The following PDE4D variants were observed in gnomAD, a reference collection of about 807,000 sequenced individuals.
The protein encoded by PDE4D is 3',5'-cyclic-AMP phosphodiesterase 4D.
PDE4D carries 24 observed loss-of-function variants against 87.4 expected under a neutral mutation model. The ratio of observed to expected loss-of-function variants is 0.27; its 90% CI spans 0.20 to 0.39. The LOEUF (loss-of-function observed/expected upper bound fraction) is 0.39. PDE4D is among the 10% of genes least tolerant of loss of function. The probability of loss-of-function intolerance (pLI) is 1.00; values close to 1 mark genes in which losing one functional copy is unlikely to be tolerated. For missense variants in PDE4D, 714 were observed against 1,041.0 expected (o/e 0.69, Z 4.32); for synonymous variants, 384 against 383.2 (o/e 1.00, Z -0.02).
At chr5:59,504,577 C>T (rs911670293) in intron 1 of PDE4D, among the ~76,000 whole-genome samples, 1 of 152,114 alleles carries the variant, frequency 6.6e-6, no homozygotes, top group African/African-American at 2.4e-5. Flanking sequence ...AATCTATGTC[C>T]ATTTTTTGAT....
chr5:60,346,012 G>A (rs1185745834), intron 1 of PDE4D, among the ~76,000 whole-genome samples: 1 of 151,988 alleles, frequency 6.6e-6, no homozygotes, highest in Non-Finnish European at 1.5e-5. Flanking sequence ...TATCCGTTGA[G>A]TAAAATTCAA....
intron 1 of PDE4D, among the ~76,000 whole-genome samples, chr5:59,470,982 C>T (rs566487227): frequency 2.9e-4 from 44 of 152,204 alleles, no homozygotes; most frequent in East Asian, 2.3e-3. Flanking sequence ...ACCTGGGATC[C>T]CAAAATCCCA....
Position 59,197,550 on chromosome 5 carries a change from T to C in PDE4D, c.648-4014A>G, listed in dbSNP as rs114718942. 8.7e-3 allele frequency among the ~76,000 whole-genome samples: 1,320 copies of C among 152,288 alleles called. 14 individuals carry two copies. The highest frequency in any genetic ancestry group is 0.031 in the African/African-American group (1,284 of 41,560). On this transcript the variant is annotated intron_variant, in intron 2 of 14. Coordinates refer to ENST00000340635, the MANE Select transcript of PDE4D (RefSeq NM_001104631.2). ...ATACCTAACATATAATTTTAAAATC[T>C]TTGTCTAAGTCCTCAACTCAATATT...
intron 2 of PDE4D, among the ~76,000 whole-genome samples, chr5:60,020,675 C>T (rs1395434144): frequency 6.6e-6 from 1 of 152,144 alleles, no homozygotes; most frequent in African/African-American, 2.4e-5. Flanking sequence ...CAGACCAACC[C>T]AGCCCAGCCC....
At chr5:59,324,234 T>C (rs1561957554) in intron 1 of PDE4D, among the ~76,000 whole-genome samples, 1 of 152,168 alleles carries the variant, frequency 6.6e-6, no homozygotes, top group Non-Finnish European at 1.5e-5. Context: ...TGTTTCCCTG[T>C]AGCACTTATG....
At chr5:60,047,059 T>C (rs1769365231) in intron 2 of PDE4D, among the ~76,000 whole-genome samples, 1 of 152,252 alleles carries the variant, frequency 6.6e-6, no homozygotes, top group South Asian at 2.1e-4. Flanking sequence ...GTTATTGGTC[T>C]ATTCAGAGAT....
At chr5:59,363,859 A>G (rs1311256533) in intron 1 of PDE4D, among the ~76,000 whole-genome samples, 2 of 152,162 alleles carry the variant, frequency 1.3e-5, no homozygotes, top group Non-Finnish European at 2.9e-5. Flanking sequence ...AGTGGGTTCA[A>G]CTGTGGTAAC....
At chr5:60,506,722 A>G (rs1184484058) in intron 1 of PDE4D, among the ~76,000 whole-genome samples, 2 of 152,166 alleles carry the variant, frequency 1.3e-5, no homozygotes, top group African/African-American at 2.4e-5. Context: ...TTGTAATTGA[A>G]TTAACGTGAA....
chr5:59,456,172 T>A lies in PDE4D; in HGVS notation c.456-240204A>T, dbSNP rs927956644. ...GGGAGGTACCAGGGGTGGAATGATA[T>A]GGTTTGGCTGTGTCCCCATCCAAAT... On this transcript the variant is annotated intron_variant, in intron 1 of 14. Coordinates refer to ENST00000340635, the MANE Select transcript of PDE4D (RefSeq NM_001104631.2). 5.3e-5 allele frequency among the ~76,000 whole-genome samples: 8 copies of A among 152,168 alleles called. 1 individual carries two copies. The highest frequency in any genetic ancestry group is 5.2e-4 in the Admixed American group (8 of 15,276).
At chr5:59,028,900 T>C (rs1449673289) in intron 6 of PDE4D, among the ~76,000 whole-genome samples, 2 of 152,264 alleles carry the variant, frequency 1.3e-5, no homozygotes, top group East Asian at 3.9e-4. Context: ...AAGATGAATG[T>C]TTTCTCATTT....
intron 2 of PDE4D, among the ~76,000 whole-genome samples, chr5:60,049,072 T>C (rs1281235163): frequency 6.6e-6 from 1 of 152,198 alleles, no homozygotes; most frequent in South Asian, 2.1e-4. Context: ...TTTCTTTTTA[T>C]TCTTTTTTCT....
At chr5:59,138,988 T>A (rs1367214382) in intron 5 of PDE4D, among the ~76,000 whole-genome samples, 1 of 152,174 alleles carries the variant, frequency 6.6e-6, no homozygotes, top group African/African-American at 2.4e-5. Context: ...GTAGGTACCC[T>A]GCAGTTTCTA....
chr5:60,025,740 A>G (rs2152855697), intron 2 of PDE4D, among the ~76,000 whole-genome samples: 1 of 152,230 alleles, frequency 6.6e-6, no homozygotes, highest in South Asian at 2.1e-4. Context: ...AGTAACAAAG[A>G]CATCATGATT....
intron 3 of PDE4D, among the ~76,000 whole-genome samples, chr5:59,957,425 G>A (rs964182070): frequency 6.6e-6 from 1 of 151,586 alleles, no homozygotes; most frequent in Non-Finnish European, 1.5e-5. Flanking sequence ...GTCAGTGCAC[G>A]TATGTGTATG....
rs1343272306 is a variant in PDE4D, at chr5:59,938,921, A to G, written c.272+49567T>C. Among the ~76,000 whole-genome samples the G allele has an allele frequency of 2.6e-5, 4 of 152,310 alleles. No homozygotes were observed. The South Asian group carries it at 8.3e-4, about 32-fold the overall frequency. On this transcript the variant is annotated intron_variant, in intron 3 of 16. Coordinates refer to the PDE4D transcript ENST00000502484. ...TCTTCTTTCCTCCTCAATGCATGAG[A>G]TGATTACCTATTTCCCCTTTACAAA... is the stretch of plus-strand genomic sequence containing the variant.
chr5:60,375,061 C>G (rs1164553646), intron 1 of PDE4D, among the ~76,000 whole-genome samples: 2 of 152,162 alleles, frequency 1.3e-5, no homozygotes, highest in African/African-American at 4.8e-5. Flanking sequence ...CAACCTTGCC[C>G]TCCTTCTTGA....
At chr5:60,263,604 C>T (rs1299011493) in intron 1 of PDE4D, among the ~76,000 whole-genome samples, 1 of 152,146 alleles carries the variant, frequency 6.6e-6, no homozygotes, top group African/African-American at 2.4e-5. Context: ...TCTGTTGCTT[C>T]AATACACAGA....
intron 1 of PDE4D, among the ~76,000 whole-genome samples, chr5:59,696,265 T>G (rs1201920422): frequency 1.3e-5 from 2 of 152,160 alleles, no homozygotes; most frequent in Non-Finnish European, 2.9e-5. Context: ...AGGCCATTTT[T>G]CCAGAGTCTT....
chr5:59,638,683 T>C (rs1245678419), intron 1 of PDE4D, among the ~76,000 whole-genome samples: 1 of 152,012 alleles, frequency 6.6e-6, no homozygotes, highest in Non-Finnish European at 1.5e-5. Flanking sequence ...AACACAGTTT[T>C]TTGTTGTTTT....
Sources: allele counts gnomAD v4.1 joint callset (sites outside exome capture counted in the v4.1 genomes callset), GRCh38; gene constraint gnomAD v4.1.1; transcripts MANE v1.5; gene names NCBI Gene and HGNC (gene_info 2026-07-23, HGNC 2026-07-21).